The following MTNAP1 variants were observed in gnomAD, a reference collection of about 807,000 sequenced individuals.
MTNAP1 encodes mitochondrial nucleoid-associated protein 1.
the MTNAP1 span, among the ~76,000 whole-genome samples, chr17:73,233,580 C>T: frequency 1.3e-5 from 2 of 152,202 alleles, no homozygotes; most frequent in Non-Finnish European, 2.9e-5. Context: ...GTAATCCCAG[C>T]AGGCTGGGCG....
At chr17:73,236,077 A>T in the MTNAP1 span, 1 of 1,614,174 alleles carries the variant, frequency 6.2e-7, no homozygotes, top group Admixed American at 1.7e-5. Context: ...TGATGTACAA[A>T]CTACCTCTGG....
chr17:73,244,525 T>C, the MTNAP1 span: 1 of 118,578 alleles, frequency 8.4e-6, no homozygotes, highest in Non-Finnish European at 1.6e-5. Flanking sequence ...ATCGCGCCAC[T>C]ACTCCAGCCT....
the MTNAP1 span, chr17:73,245,663 C>T: frequency 2.0e-6 from 2 of 985,312 alleles, no homozygotes; most frequent in Non-Finnish European, 2.4e-6. Flanking sequence ...TCTTTGGGGC[C>T]CTTGACCAGA....
the MTNAP1 span, chr17:73,235,358 A>G: frequency 1.2e-6 from 1 of 860,092 alleles, no homozygotes; most frequent in African/African-American, 1.7e-5. Flanking sequence ...ACTTGCTGTA[A>G]CCGTAAGTAG....
chr17:73,241,450 G>C, the MTNAP1 span, among the ~76,000 whole-genome samples: 18 of 152,084 alleles, frequency 1.2e-4, no homozygotes, highest in African/African-American at 1.2e-4. Flanking sequence ...GAGCCACCGC[G>C]CCCGGCCTGC....
chr17:73,241,575 A>G, the MTNAP1 span, among the ~76,000 whole-genome samples: 2 of 152,254 alleles, frequency 1.3e-5, no homozygotes, highest in Non-Finnish European at 2.9e-5. Flanking sequence ...GACTGTGGGC[A>G]AGTCACAATC....
At chr17:73,237,648 T>A in the MTNAP1 span, among the ~76,000 whole-genome samples, 1 of 152,124 alleles carries the variant, frequency 6.6e-6, no homozygotes, top group African/African-American at 2.4e-5. Context: ...AGACTTGAAA[T>A]TCAGCTAGAT....
chr17:73,233,980 G>T, the MTNAP1 span, among the ~76,000 whole-genome samples: 1 of 152,318 alleles, frequency 6.6e-6, no homozygotes, highest in African/African-American at 2.4e-5. Context: ...TGGGTTGGTT[G>T]CTTTATTGAA....
the MTNAP1 span, chr17:73,236,069 A>T: frequency 1.9e-6 from 3 of 1,614,186 alleles, no homozygotes; most frequent in Non-Finnish European, 2.5e-6. Flanking sequence ...CTACCTAATG[A>T]TGTACAAACT....
chr17:73,234,321 G>GAT, the MTNAP1 span, among the ~76,000 whole-genome samples: 1 of 150,284 alleles, frequency 6.7e-6, no homozygotes, highest in African/African-American at 2.4e-5. Flanking sequence ...TGGTATAAAT[G>GAT]TTTTTTTTTT....
the MTNAP1 span, chr17:73,248,665 G>A: frequency 1.1e-6 from 1 of 938,742 alleles, no homozygotes; most frequent in Non-Finnish European, 1.7e-6. Context: ...CGTATTTGAA[G>A]GTTCTGTTAC....
At chr17:73,236,582 C>A in the MTNAP1 span, 2 of 1,614,228 alleles carry the variant, frequency 1.2e-6, no homozygotes, top group Non-Finnish European at 1.7e-6. Context: ...CAGTTTCATT[C>A]TGTATCGCAG....
At chr17:73,239,541 CAG>C in the MTNAP1 span, among the ~76,000 whole-genome samples, 1 of 131,300 alleles carries the variant, frequency 7.6e-6, no homozygotes, top group South Asian at 2.4e-4. Context: ...TTTCTTGAGA[CAG>C]AGTCTTGCTC....
At chr17:73,234,321 GT>G in the MTNAP1 span, among the ~76,000 whole-genome samples, 2 of 150,396 alleles carry the variant, frequency 1.3e-5, no homozygotes, top group South Asian at 2.1e-4. Context: ...TGGTATAAAT[GT>G]TTTTTTTTTA....
chr17:73,236,056 A>G, the MTNAP1 span: 8 of 1,614,042 alleles, frequency 5.0e-6, no homozygotes, highest in Non-Finnish European at 6.8e-6. Flanking sequence ...ATATTCCTCA[A>G]CTCTACCTAA....
chr17:73,242,620 C>G, the MTNAP1 span, among the ~76,000 whole-genome samples: 1 of 152,164 alleles, frequency 6.6e-6, no homozygotes, highest in East Asian at 1.9e-4. Context: ...TGTGCCTCCT[C>G]CCAAAGCCAG....
At chr17:73,232,587 A>G in the MTNAP1 span, 2 of 372,280 alleles carry the variant, frequency 5.4e-6, no homozygotes, top group South Asian at 1.8e-4. Flanking sequence ...CATATTTTAA[A>G]ACAGGCGGAC....
At chr17:73,246,162 C>T in the MTNAP1 span, among the ~76,000 whole-genome samples, 1 of 152,160 alleles carries the variant, frequency 6.6e-6, no homozygotes, top group Non-Finnish European at 1.5e-5. Flanking sequence ...CGCACACACC[C>T]GTCTGTCTCA....
chr17:73,242,469 T>C, the MTNAP1 span: 3,788 of 651,084 alleles, frequency 5.8e-3, 36 homozygotes, highest in Admixed American at 9.5e-3. Context: ...AAATGTGTGT[T>C]GTCTTCCTAG....
Sources: allele counts gnomAD v4.1 joint callset (sites outside exome capture counted in the v4.1 genomes callset), GRCh38; gene constraint gnomAD v4.1.1; transcripts MANE v1.5; gene names NCBI Gene and HGNC (gene_info 2026-07-23, HGNC 2026-07-21).